The following CORO2B variants were observed in gnomAD, a reference collection of about 807,000 sequenced individuals.
CORO2B encodes the protein coronin 2B, also known as coronin-2B.
CORO2B carries 26 observed loss-of-function variants against 58.8 expected under a neutral mutation model. The observed-to-expected ratio is 0.44, with a 90% CI of 0.32 to 0.61. The LOEUF (loss-of-function observed/expected upper bound fraction) is 0.61, where lower values mean the gene tolerates loss of function less well. CORO2B is among the 20% of genes least tolerant of loss of function. CORO2B has a pLI of 0.04. For synonymous variants in CORO2B, 242 were observed against 253.8 expected (o/e 0.95, Z 0.44); for missense variants, 460 against 645.1 (o/e 0.71, Z 3.11).
chr15:68,675,011 A>G (rs1902529085), intron 2 of CORO2B, among the ~76,000 whole-genome samples: 2 of 152,206 alleles, frequency 1.3e-5, no homozygotes, highest in African/African-American at 4.8e-5. Context: ...AGATTCTTTT[A>G]TAAGGCAAAA....
At chr15:68,668,648 G>A (rs74351792) in intron 2 of CORO2B, among the ~76,000 whole-genome samples, 41 of 152,318 alleles carry the variant, frequency 2.7e-4, no homozygotes, top group African/African-American at 9.1e-4. Flanking sequence ...CAGGGGCTGG[G>A]CTACCCAGAA....
intron 2 of CORO2B, among the ~76,000 whole-genome samples, chr15:68,656,463 A>G (rs1052103196): frequency 5.9e-5 from 9 of 152,024 alleles, no homozygotes; most frequent in Non-Finnish European, 1.2e-4. Context: ...TGCAATTTAT[A>G]GATGGAGACA....
chr15:68,723,420 C>T (rs1411818845), intron 11 of CORO2B, among the ~76,000 whole-genome samples: 2 of 151,666 alleles, frequency 1.3e-5, no homozygotes, highest in Admixed American at 6.6e-5. Flanking sequence ...CGGCGCCCAG[C>T]CAATAGATAC....
chr15:68,585,240 T>G (rs1899522469), intron 1 of CORO2B, among the ~76,000 whole-genome samples: 1 of 152,152 alleles, frequency 6.6e-6, no homozygotes, highest in Admixed American at 6.5e-5. Context: ...AGTGGAGAGA[T>G]GACCACACCC....
chr15:68,574,239 G>A (rs1899237300), upstream of CORO2B, among the ~76,000 whole-genome samples: 1 of 152,230 alleles, frequency 6.6e-6, no homozygotes, highest in Admixed American at 6.5e-5. Context: ...GAACTTGAGA[G>A]CTGCAGGAGC....
chr15:68,562,152 G>A, the CORO2B span, among the ~76,000 whole-genome samples: 1 of 152,196 alleles, frequency 6.6e-6, no homozygotes, highest in African/African-American at 2.4e-5. Context: ...CAGTCTGGAA[G>A]AAGTGGGCTG....
At chr15:68,526,211 T>C in the CORO2B span, among the ~76,000 whole-genome samples, 2 of 152,238 alleles carry the variant, frequency 1.3e-5, no homozygotes, top group Non-Finnish European at 2.9e-5. Flanking sequence ...TTTTGGTTTT[T>C]ATTAAGATGT....
chr15:68,725,857 C>A lies in CORO2B; in HGVS notation c.1326C>A (p.Phe442Leu). The A allele has an allele frequency of 6.2e-7, 1 of 1,613,900 alleles. No homozygotes were observed. Residue 442 changes from phenylalanine to leucine, a missense_variant, in exon 12 of 12, where the codon TTC becomes TTA. By Grantham distance (22) the Phe-to-Leu change is conservative. Coordinates refer to ENST00000261861, the MANE Select transcript of CORO2B (RefSeq NM_006091.5). ...PRTENELLRM[F>L]FRQQDEIRRL... is the part of the protein sequence containing the mutation. ...CTCCACCCCAGCTCCTTCGAATGTT[C>A]TTCCGGCAGCAGGATGAGATTCGAC...
the CORO2B span, among the ~76,000 whole-genome samples, chr15:68,561,565 C>A: frequency 6.6e-6 from 1 of 152,170 alleles, no homozygotes; most frequent in African/African-American, 2.4e-5. Context: ...GGGAGGGAGG[C>A]AGACAGCTGG....
chr15:68,629,945 G>A (rs1226811516), intron 1 of CORO2B, among the ~76,000 whole-genome samples: 1 of 152,188 alleles, frequency 6.6e-6, no homozygotes, highest in East Asian at 1.9e-4. Flanking sequence ...GAATCCAAAA[G>A]GATAGGTAAT....
chr15:68,555,407 A>G, the CORO2B span, among the ~76,000 whole-genome samples: 2 of 152,178 alleles, frequency 1.3e-5, no homozygotes, highest in Non-Finnish European at 2.9e-5. Flanking sequence ...AGGGGACCCA[A>G]ACCACTTATG....
chr15:68,648,429 A>G (rs1160810741), intron 2 of CORO2B, among the ~76,000 whole-genome samples: 2 of 151,988 alleles, frequency 1.3e-5, no homozygotes, highest in African/African-American at 2.4e-5. Flanking sequence ...GGTGGATCAC[A>G]AGGTCAGGAG....
chr15:68,713,897 G>A (rs372496796), intron 5 of CORO2B, 28 bp from the exon 6 acceptor site: 2 of 1,552,442 alleles, frequency 1.3e-6, no homozygotes, highest in East Asian at 2.2e-5. Context: ...GGGGACCCTG[G>A]CTCACCACCT....
intron 1 of CORO2B, among the ~76,000 whole-genome samples, chr15:68,620,001 T>A (rs897316558): frequency 3.9e-5 from 6 of 152,068 alleles, no homozygotes; most frequent in Non-Finnish European, 8.8e-5. Flanking sequence ...AGCCTTTGCT[T>A]CCCGGGTTCA....
At chr15:68,701,493 T>TTTTTTTC (rs1892647666) in intron 3 of CORO2B, among the ~76,000 whole-genome samples, 2 of 99,412 alleles carry the variant, frequency 2.0e-5, no homozygotes, top group Non-Finnish European at 2.1e-5. Flanking sequence ...TTTTTTTTTT[T>TTTTTTTC]TTTTTTTTTT....
chr15:68,653,708 A>C (rs1040135373), intron 2 of CORO2B, among the ~76,000 whole-genome samples: 1 of 152,120 alleles, frequency 6.6e-6, no homozygotes, highest in East Asian at 1.9e-4. Context: ...AAGAAGGGTC[A>C]GGAGGAAAGG....
chr15:68,679,486 C>T (rs1341046755), intron 2 of CORO2B, among the ~76,000 whole-genome samples: 1 of 152,226 alleles, frequency 6.6e-6, no homozygotes, highest in East Asian at 1.9e-4. Flanking sequence ...GTCCGAGGGG[C>T]TGTGCAGAGC....
rs199658404 is a variant in CORO2B at position 68,645,177 on chromosome 15, A to G, written c.33A>G (p.Gln11=). MTVTKMSWRP[Q]YRSSKFRNVY... ...CCTCACAGATGTCCTGGCGTCCGCA[A>G]TACCGTAGCTCCAAGTTCCGGAATG... is the stretch of plus-strand genomic sequence containing the variant. Residue 11 remains glutamine, a synonymous_variant, in exon 2 of 12, where the codon CAA becomes CAG. Transcript: ENST00000261861. The surrounding 1 kb of genome is among the most constrained non-coding windows in gnomAD (Gnocchi z 4.5). 2.4e-4 allele frequency: 386 copies of G among 1,614,110 alleles called. 2 individuals are homozygous for G. The highest frequency in any genetic ancestry group is 1.8e-3 in the Middle Eastern group (11 of 6,062).
intron 1 of CORO2B, among the ~76,000 whole-genome samples, chr15:68,589,147 C>T (rs1899639230): frequency 6.6e-6 from 1 of 152,146 alleles, no homozygotes. Flanking sequence ...GGGTTCGGAT[C>T]CACATTAATT....
Sources: allele counts gnomAD v4.1 joint callset (sites outside exome capture counted in the v4.1 genomes callset), GRCh38; gene constraint gnomAD v4.1.1; non-coding constraint Gnocchi (gnomAD v3.1); transcripts MANE v1.5; gene names NCBI Gene and HGNC (gene_info 2026-07-23, HGNC 2026-07-21).